The following TENM4 variants were observed in gnomAD, a reference collection of about 807,000 sequenced individuals.
TENM4 encodes teneurin transmembrane protein 4.
A neutral mutation model predicts 243.3 loss-of-function variants in TENM4; 82 were observed. The ratio of observed to expected loss-of-function variants is 0.34; its 90% CI spans 0.28 to 0.40. The LOEUF is 0.40. Ranked by LOEUF, TENM4 falls within the 10% of genes least tolerant of loss-of-function variation. The pLI, the probability that TENM4 is intolerant of heterozygous loss-of-function variation, is 1.00. For synonymous variants in TENM4, 1,412 were observed against 1,456.3 expected (o/e 0.97, Z 0.69); for missense variants, 3,138 against 3,673.3 (o/e 0.85, Z 3.77).
chr11:79,319,081 A>G (rs1856847016), intron 1 of TENM4, among the ~76,000 whole-genome samples: 1 of 152,190 alleles, frequency 6.6e-6, no homozygotes, highest in African/African-American at 2.4e-5. Context: ...AAGGCCCCAT[A>G]AGGCAGATTG....
chr11:79,217,822 A>C (rs1229095963), intron 2 of TENM4, among the ~76,000 whole-genome samples: 1 of 151,906 alleles, frequency 6.6e-6, no homozygotes, highest in African/African-American at 2.4e-5. Context: ...TCCCAGGTTC[A>C]AGTGATTCTC....
intron 1 of TENM4, among the ~76,000 whole-genome samples, chr11:79,437,709 C>G (rs915882459): frequency 1.3e-5 from 2 of 152,100 alleles, no homozygotes; most frequent in African/African-American, 4.8e-5. Flanking sequence ...TGCGCGGGCC[C>G]GGCTCGCCGG....
chr11:79,133,134 T>C (rs1273327820), intron 4 of TENM4, among the ~76,000 whole-genome samples: 1 of 151,296 alleles, frequency 6.6e-6, no homozygotes, highest in African/African-American at 2.4e-5. Context: ...AGAGAGAAAA[T>C]CCAAATAACC....
At chr11:79,225,522 A>G (rs1864246314) in intron 2 of TENM4, among the ~76,000 whole-genome samples, 1 of 152,118 alleles carries the variant, frequency 6.6e-6, no homozygotes. Flanking sequence ...GGCTCAAGCA[A>G]GTCTCCCACC....
intron 1 of TENM4, among the ~76,000 whole-genome samples, chr11:79,437,308 C>A (rs1859291266): frequency 6.6e-6 from 1 of 152,236 alleles, no homozygotes; most frequent in Non-Finnish European, 1.5e-5. Flanking sequence ...CCAGTGAAAA[C>A]ACCCCTCGTA....
intron 1 of TENM4, among the ~76,000 whole-genome samples, chr11:79,311,800 A>G (rs1370241337): frequency 6.6e-6 from 1 of 152,170 alleles, no homozygotes; most frequent in African/African-American, 2.4e-5. Context: ...GGAGCAATCC[A>G]AACCCTTCCA....
At chr11:79,413,259 C>T (rs954105310) in intron 1 of TENM4, among the ~76,000 whole-genome samples, 2 of 152,192 alleles carry the variant, frequency 1.3e-5, no homozygotes, top group African/African-American at 4.8e-5. Context: ...AGCAATTGTC[C>T]CCAGTTCCCA....
intron 6 of TENM4, among the ~76,000 whole-genome samples, chr11:78,944,099 AG>A (rs969109977): frequency 1.3e-5 from 2 of 152,328 alleles, no homozygotes; most frequent in Non-Finnish European, 2.9e-5. Context: ...AAGCAAAGTG[AG>A]GGCCAAGAAG....
At chr11:79,263,382 C>T (rs992617474) in intron 2 of TENM4, among the ~76,000 whole-genome samples, 6 of 152,174 alleles carry the variant, frequency 3.9e-5, no homozygotes, top group Non-Finnish European at 4.4e-5. Flanking sequence ...CAAATGGCAC[C>T]GCAAACATGG....
At chr11:78,772,790 T>C (rs1856668157) in intron 17 of TENM4, among the ~76,000 whole-genome samples, 1 of 152,248 alleles carries the variant, frequency 6.6e-6, no homozygotes, top group African/African-American at 2.4e-5. Context: ...GTGTTTTCCA[T>C]TCAAAGGAAG....
chr11:78,757,759 G>A (rs536622551), intron 18 of TENM4, among the ~76,000 whole-genome samples: 58 of 152,332 alleles, frequency 3.8e-4, no homozygotes, highest in African/African-American at 1.4e-3. Context: ...GTGTAAGCGT[G>A]TGGCCTGCGG....
chr11:78,876,458 T>C (rs1379161087), intron 9 of TENM4, among the ~76,000 whole-genome samples: 2 of 152,222 alleles, frequency 1.3e-5, no homozygotes, highest in African/African-American at 2.4e-5. Flanking sequence ...CTGTCTACTA[T>C]CCTCTACCTT....
At chr11:78,794,583 G>T (rs1186390385) in intron 15 of TENM4, among the ~76,000 whole-genome samples, 7 of 152,206 alleles carry the variant, frequency 4.6e-5, no homozygotes, top group Non-Finnish European at 8.8e-5. Flanking sequence ...TTGGCTTAGT[G>T]GCATTCAGAA....
rs577192984 is a variant in TENM4, at chr11:78,686,516, G to T, written c.5260+1538C>A. On this transcript the variant is annotated intron_variant, in intron 29 of 33. Coordinates refer to ENST00000278550, the MANE Select transcript of TENM4 (RefSeq NM_001098816.3). ...ATAGAAGTTCCAGAGGCCCAGACTT[G>T]TGACTGGTGTCTGAAGTATGATAGA... Among the ~76,000 whole-genome samples, 68 of 149,770 alleles carry T rather than the reference G, an allele frequency of 4.5e-4. 1 individual carries two copies. The South Asian group carries it at 0.014, about 31-fold the overall frequency.
rs1857817953 is a variant in TENM4 at position 78,653,436 on chromosome 11, CAA to C, written c.*4620_*4621del. 6.6e-6 allele frequency: 1 copy of C among 152,006 alleles called. No individual in the cohort carries two copies. Among genetic ancestry groups the C allele is most frequent in the African/African-American group, 2.4e-5 (1 of 41,380 alleles). 9.4% of individuals were successfully genotyped at this position (152,006 alleles called of 1,614,324 possible). On this transcript the variant is annotated 3_prime_UTR_variant, in exon 34 of 34. Transcript: ENST00000278550. ...CAGTCAAGATACAGTGTTAGAAACA[CAA>C]AAGTGTTGAGAAAAAAACTTCTCAA...
At chr11:79,412,300 C>T (rs1042737766) in intron 1 of TENM4, among the ~76,000 whole-genome samples, 1 of 152,228 alleles carries the variant, frequency 6.6e-6, no homozygotes, top group South Asian at 2.1e-4. Flanking sequence ...ATGGCCAGCT[C>T]CCTCATGATG....
intron 6 of TENM4, among the ~76,000 whole-genome samples, chr11:78,991,129 A>G (rs976057410): frequency 6.6e-6 from 1 of 152,182 alleles, no homozygotes; most frequent in Non-Finnish European, 1.5e-5. Context: ...TTTGGTAGTC[A>G]CAATGACTAA....
At chr11:78,920,794 T>A (rs1378592191) in intron 6 of TENM4, among the ~76,000 whole-genome samples, 1 of 152,246 alleles carries the variant, frequency 6.6e-6, no homozygotes, top group Non-Finnish European at 1.5e-5. Flanking sequence ...TCAGGCAGAA[T>A]AATTCCAAAT....
At chr11:78,774,239 T>A (rs1408622899) in intron 17 of TENM4, among the ~76,000 whole-genome samples, 4 of 152,218 alleles carry the variant, frequency 2.6e-5, no homozygotes, top group African/African-American at 9.6e-5. Flanking sequence ...TGGATTTACT[T>A]GTTTTAAGTT....
Sources: allele counts gnomAD v4.1 joint callset (sites outside exome capture counted in the v4.1 genomes callset), GRCh38; gene constraint gnomAD v4.1.1; transcripts MANE v1.5; gene names NCBI Gene and HGNC (gene_info 2026-07-23, HGNC 2026-07-21).